Variants in ASIC2 observed in about 807,000 individuals in gnomAD.
The protein encoded by ASIC2 is acid sensing ion channel subunit 2.
A neutral mutation model predicts 57.3 loss-of-function variants in ASIC2; 25 were observed. The ratio of observed to expected loss-of-function variants is 0.44; its 90% CI spans 0.32 to 0.61. The LOEUF is 0.61. Among genes scored for constraint, ASIC2 ranks in the 20% least tolerant of loss-of-function variants. The pLI is 0.06. For missense variants in ASIC2, 641 were observed against 738.1 expected, an observed-to-expected ratio of 0.87 and a Z score of 1.52; for synonymous variants, 319 against 307.5, an observed-to-expected ratio of 1.04 and a Z score of -0.39.
At chr17:33,867,430 G>C (rs1336709066) in intron 1 of ASIC2, among the ~76,000 whole-genome samples, 1 of 152,160 alleles carries the variant, frequency 6.6e-6, no homozygotes. Flanking sequence ...GGCTCAAAGA[G>C]AATAAAATGA....
chr17:33,208,414 G>A (rs1280600386), intron 1 of ASIC2, among the ~76,000 whole-genome samples: 1 of 152,108 alleles, frequency 6.6e-6, no homozygotes, highest in East Asian at 1.9e-4. Context: ...CGGTGCCGCA[G>A]TCCTACATCT....
chr17:33,926,629 T>G (rs2141968584), intron 1 of ASIC2, among the ~76,000 whole-genome samples: 1 of 152,348 alleles, frequency 6.6e-6, no homozygotes, highest in East Asian at 1.9e-4. Flanking sequence ...ATTTTGATGC[T>G]ACCTAAAGCA....
chr17:33,619,686 G>A lies in ASIC2; in HGVS notation c.556-507619C>T, dbSNP rs189670386. On this transcript the variant is annotated intron_variant, in intron 1 of 9. Transcript: ENST00000359872. ...CATAACATCTCTTGCCGCACAGAGC[G>A]TCTCTGATTGTGTCACAGCAAGTCC... 1.6e-4 allele frequency among the ~76,000 whole-genome samples: 25 copies of A among 152,332 alleles called. No homozygotes were observed. The East Asian group carries it at 3.5e-3, about 21-fold the overall frequency.
intron 1 of ASIC2, chr17:33,626,985 C>A (rs1409167745): frequency 3.3e-5 from 5 of 152,316 alleles, no homozygotes; most frequent in Admixed American, 6.5e-5. Context: ...ACTGTGTACA[C>A]CTGTCCAGTC....
chr17:33,839,525 T>A (rs1056161205), intron 1 of ASIC2, among the ~76,000 whole-genome samples: 1 of 152,108 alleles, frequency 6.6e-6, no homozygotes, highest in Admixed American at 6.5e-5. Flanking sequence ...ATTCTGGGGC[T>A]GGGACTCTGC....
rs115896362 is a variant in ASIC2 at position 33,158,777 on chromosome 17, T to G, written c.709-46710A>C. On this transcript the variant is annotated intron_variant, in intron 1 of 9. Transcript: ENST00000225823. The stretch of plus-strand genomic sequence containing the variant: ...ATCCTTATACCTATTTATGGCATCA[T>G]GAAGATTCCAGATGCCTGCAGAGAG... 7.4e-3 allele frequency among the ~76,000 whole-genome samples: 1,123 copies of G among 152,362 alleles called. 17 individuals carry two copies. The highest frequency in any genetic ancestry group is 0.025 in the African/African-American group (1,059 of 41,580).
chr17:34,095,642 TA>T (rs1420256261), intron 1 of ASIC2, among the ~76,000 whole-genome samples: 1 of 136,118 alleles, frequency 7.3e-6, no homozygotes. Flanking sequence ...TTTATATATA[TA>T]TATATATATA....
intron 1 of ASIC2, among the ~76,000 whole-genome samples, chr17:33,214,535 T>C (rs1376640809): frequency 6.6e-6 from 1 of 152,206 alleles, no homozygotes; most frequent in African/African-American, 2.4e-5. Flanking sequence ...CTGGTTATTG[T>C]GTCTGGGAAG....
At chr17:33,208,461 G>A (rs139466745) in intron 1 of ASIC2, among the ~76,000 whole-genome samples, 262 of 151,764 alleles carry the variant, frequency 1.7e-3, no homozygotes, top group Middle Eastern at 3.4e-3. Flanking sequence ...TCCCTCCCTT[G>A]GGACACCTTC....
chr17:33,812,217 C>T (rs917529488), intron 1 of ASIC2, among the ~76,000 whole-genome samples: 17 of 152,134 alleles, frequency 1.1e-4, no homozygotes, highest in African/African-American at 4.1e-4. Context: ...TTGCCAATTG[C>T]TCTTGAGGAA....
chr17:33,524,193 C>T (rs1914823123), intron 1 of ASIC2, among the ~76,000 whole-genome samples: 1 of 152,210 alleles, frequency 6.6e-6, no homozygotes, highest in East Asian at 1.9e-4. Context: ...TCCCTGCCTC[C>T]AAATTCTTTG....
intron 1 of ASIC2, among the ~76,000 whole-genome samples, chr17:33,336,227 A>G (rs995324494): frequency 2.0e-5 from 3 of 152,116 alleles, no homozygotes; most frequent in Non-Finnish European, 4.4e-5. Context: ...CCAGTCATTT[A>G]TTCCATGACT....
chr17:33,221,996 G>A (rs1430648828), intron 1 of ASIC2, among the ~76,000 whole-genome samples: 2 of 152,152 alleles, frequency 1.3e-5, no homozygotes, highest in East Asian at 1.9e-4. Context: ...AGTGTGTTTG[G>A]GAAGGCTATC....
chr17:33,319,182 G>A (rs1285748556), intron 1 of ASIC2, among the ~76,000 whole-genome samples: 1 of 152,168 alleles, frequency 6.6e-6, no homozygotes, highest in East Asian at 1.9e-4. Context: ...GCGAGCCACA[G>A]TCACACCACT....
At position 33,316,274 on chromosome 17, in the gene ASIC2, G is replaced by C. The variant is rs142117821; in HGVS notation, c.556-204207C>G. ...TCTCTCCTTTGCTGAACACGCTACA[G>C]TGTCTCTCCGTTGTCTACAAAATGA... is the stretch of plus-strand genomic sequence containing the variant. On this transcript the variant is annotated intron_variant, in intron 1 of 9. Coordinates refer to the ASIC2 transcript ENST00000359872. Among the ~76,000 whole-genome samples the C allele has an allele frequency of 1.4e-4, 22 of 152,300 alleles. No individual in the cohort carries two copies. The East Asian group carries it at 4.0e-3, about 28-fold the overall frequency.
intron 1 of ASIC2, among the ~76,000 whole-genome samples, chr17:33,943,680 G>A (rs1916242346): frequency 1.6e-5 from 2 of 128,728 alleles, no homozygotes; most frequent in Admixed American, 8.6e-5. Flanking sequence ...AACATTCATT[G>A]AATGATAATA....
intron 1 of ASIC2, among the ~76,000 whole-genome samples, chr17:33,858,667 C>T (rs1199587923): frequency 6.6e-6 from 1 of 152,216 alleles, no homozygotes. Flanking sequence ...AGGTGCCTTT[C>T]CCAGAGGACT....
intron 1 of ASIC2, among the ~76,000 whole-genome samples, chr17:33,149,345 A>C (rs1389701869): frequency 6.6e-6 from 1 of 152,220 alleles, no homozygotes; most frequent in Admixed American, 6.5e-5. Context: ...GCATTAAAAC[A>C]TGGGTATTTT....
At chr17:33,682,419 C>G (rs1334923707) in intron 1 of ASIC2, among the ~76,000 whole-genome samples, 1 of 152,022 alleles carries the variant, frequency 6.6e-6, no homozygotes. Flanking sequence ...AGGATGAGCT[C>G]CATTTTCCCA....
Sources: gnomAD v4.1 joint callset for allele counts (sites outside exome capture counted in the v4.1 genomes callset) on GRCh38, gnomAD v4.1.1 for gene constraint, MANE v1.5 for transcripts, NCBI Gene and HGNC (gene_info 2026-07-23, HGNC 2026-07-21) for gene names.